SIAE: variants seen among roughly 807,000 people sequenced by gnomAD.
SIAE encodes sialate O-acetylesterase.
SIAE carries 39 observed loss-of-function variants against 52.6 expected under a neutral mutation model. That is an observed-to-expected ratio of 0.74 (90% CI 0.57 to 0.97). SIAE has a LOEUF of 0.97. SIAE is among the 50% of genes least tolerant of loss of function. SIAE has a pLI of 0.00. For synonymous variants in SIAE, 233 were observed against 241.4 expected, an observed-to-expected ratio of 0.97 and a Z score of 0.32; for missense variants, 592 against 662.1, an observed-to-expected ratio of 0.89 and a Z score of 1.16.
At chr11:124,637,274 C>T in intron 9 of SIAE, 72 bp from the exon 10 acceptor site, 1 of 1,598,070 alleles carries the variant, frequency 6.3e-7, no homozygotes, top group Non-Finnish European at 8.6e-7. Context: ...ACTGCTCTTT[C>T]AGACAGAATG....
chr11:124,641,977 A>AAAAAG (rs1565408706), intron 7 of SIAE, among the ~76,000 whole-genome samples: 1 of 151,386 alleles, frequency 6.6e-6, no homozygotes, highest in African/African-American at 2.4e-5. Flanking sequence ...AAAAAAAAAA[A>AAAAAG]AAAAGAAACC....
rs766178555 is a variant in SIAE at position 124,649,711 on chromosome 11, G to T, written c.630C>A (p.Pro210=). The T allele has an allele frequency of 1.9e-6, 3 of 1,614,178 alleles. No homozygotes were observed. The highest frequency in any genetic ancestry group is 2.5e-6 in the Non-Finnish European group (3 of 1,180,036). The change falls in exon 5 of 10, where the codon CCC becomes CCA. Residue 210 remains proline, a synonymous_variant. Coordinates refer to ENST00000263593, the MANE Select transcript of SIAE (RefSeq NM_170601.5). The stretch of plus-strand genomic sequence containing the variant: ...CCCAGCTGGAGGCGATCAGCCCGAT[G>T]GGATACTGCAGAGTGTCATAAAGGT... ...GRHLYDTLQY[P]IGLIASSWGG...
chr11:124,639,939 C>G (rs1942817836), intron 7 of SIAE, 72 bp from the exon 8 acceptor site: 1 of 1,526,390 alleles, frequency 6.6e-7, no homozygotes, highest in East Asian at 2.2e-5. Context: ...CTGGCAGACT[C>G]TGCTTCTGCT....
At chr11:124,663,552 C>T (rs368954542) in intron 2 of SIAE, among the ~76,000 whole-genome samples, 15 of 152,176 alleles carry the variant, frequency 9.9e-5, no homozygotes, top group Middle Eastern at 3.4e-3. Flanking sequence ...CCAGCCTGGG[C>T]GACAGAGCGA....
intron 5 of SIAE, among the ~76,000 whole-genome samples, chr11:124,648,930 C>T (rs977248230): frequency 5.9e-5 from 9 of 152,216 alleles, no homozygotes; most frequent in Non-Finnish European, 1.2e-4. Flanking sequence ...TCCCACAGGG[C>T]TTCCCAGCGT....
chr11:124,638,912 G>A (rs1942798414), intron 8 of SIAE, among the ~76,000 whole-genome samples, 175 bp from the exon 9 acceptor site: 1 of 152,150 alleles, frequency 6.6e-6, no homozygotes, highest in South Asian at 2.1e-4. Context: ...CCATAGATGG[G>A]GCTCTGGGCC....
intron 2 of SIAE, among the ~76,000 whole-genome samples, chr11:124,667,425 C>T (rs953502063): frequency 1.3e-5 from 2 of 152,154 alleles, no homozygotes; most frequent in Non-Finnish European, 2.9e-5. Context: ...ATTAGAAGCA[C>T]TTACCTTACA....
At position 124,638,716 on chromosome 11, in the gene SIAE, CTGTT is replaced by C. The variant is rs1412110952; in HGVS notation, c.1142_1145del (p.Lys381ArgfsTer21). ...CCAAATGCAGCCGATAAGCCACAGTCTGTTTATCTCGAGGGTGGATGCTACAGGA... is the reference window on the plus strand; with the variant it reads ...CCAAATGCAGCCGATAAGCCACAGTCTATCTCGAGGGTGGATGCTACAGGA... On this transcript the variant is annotated frameshift_variant, in exon 9 of 10. Coordinates refer to ENST00000263593, the MANE Select transcript of SIAE (RefSeq NM_170601.5). LOFTEE classifies it high-confidence loss of function. The C allele has an allele frequency of 9.9e-6, 16 of 1,613,968 alleles. No individual in the cohort carries two copies. Among genetic ancestry groups the C allele is most frequent in the Non-Finnish European group, 1.4e-5 (16 of 1,180,030 alleles).
Position 124,638,685 on chromosome 11 carries a change from G to A in SIAE, c.1177C>T (p.Arg393Cys), listed in dbSNP as rs144420048. The A allele has an allele frequency of 2.8e-5, 45 of 1,614,016 alleles. No individual in the cohort carries two copies. Among genetic ancestry groups the A allele is most frequent in the African/African-American group, 1.7e-4 (13 of 74,890 alleles). Residue 393 changes from arginine to cysteine, a missense_variant, in exon 9 of 10, where the codon CGT becomes TGT. Arg to Cys is a radical substitution (Grantham distance 180). Coordinates refer to ENST00000263593, the MANE Select transcript of SIAE (RefSeq NM_170601.5). ...TVAYRLHLGA[R>C]ALAYGEKNLT... ...TTCTTCTCACCATAAGCCAGAGCAC[G>A]GGCCCCCAAATGCAGCCGATAAGCC...
chr11:124,648,662 G>T (rs901217785), intron 5 of SIAE, among the ~76,000 whole-genome samples: 1 of 152,036 alleles, frequency 6.6e-6, no homozygotes, highest in African/African-American at 2.4e-5. Context: ...CTGTGTCAAA[G>T]GGCATCTTTT....
At chr11:124,648,282 A>C in intron 5 of SIAE, 107 bp from the exon 6 acceptor site, 1 of 785,908 alleles carries the variant, frequency 1.3e-6, no homozygotes, top group Middle Eastern at 2.3e-4. Flanking sequence ...CTTCTGATGA[A>C]AGCAACACAG....
At chr11:124,655,335 C>A (rs1943081412) in intron 3 of SIAE, among the ~76,000 whole-genome samples, 1 of 152,068 alleles carries the variant, frequency 6.6e-6, no homozygotes, top group African/African-American at 2.4e-5. Flanking sequence ...ACCACCATGC[C>A]CAGCTAATTT....
intron 1 of SIAE, 51 bp from the exon 2 acceptor site, chr11:124,669,572 C>T (rs762659665): frequency 3.3e-6 from 5 of 1,514,298 alleles, no homozygotes; most frequent in African/African-American, 1.4e-5. Context: ...AGATATAGCA[C>T]CAACTGGATC....
chr11:124,675,261 G>A (rs1175028695), upstream of SIAE: 8 of 1,611,048 alleles, frequency 5.0e-6, no homozygotes, highest in Non-Finnish European at 6.8e-6. Context: ...TTCTTACCAA[G>A]AAGATGTCGA....
chr11:124,672,788 C>T (rs911755755), intron 1 of SIAE, among the ~76,000 whole-genome samples: 1 of 152,078 alleles, frequency 6.6e-6, no homozygotes, highest in African/African-American at 2.4e-5. Flanking sequence ...GGTACTTTTC[C>T]GGCTCTCAGG....
At position 124,646,922 on chromosome 11, in the gene SIAE, T is replaced by C. The variant is rs79620755; in HGVS notation, c.966+443A>G. 5.7e-3 allele frequency among the ~76,000 whole-genome samples: 867 copies of C among 152,354 alleles called. 12 individuals carry two copies. The highest frequency in any genetic ancestry group is 0.02 in the African/African-American group (818 of 41,572). ...AAACTGCATTGAAGATTAATATTTA[T>C]TGACATGAAAAATCGTTTACTACTT... On this transcript the variant is annotated intron_variant, in intron 7 of 9. Coordinates refer to ENST00000263593, the MANE Select transcript of SIAE (RefSeq NM_170601.5).
Position 124,662,576 on chromosome 11 carries a change from G to T in SIAE, c.230-1773C>A, listed in dbSNP as rs147985828. ...GTGAAGAAAACTACCTTCACCAGAG[G>T]TTCTAAAACACTCTGCTACCCAGTA... On this transcript the variant is annotated intron_variant, in intron 2 of 9. Transcript: ENST00000263593. Among the ~76,000 whole-genome samples, 14 of 152,282 alleles carry T rather than the reference G, an allele frequency of 9.2e-5. No individual in the cohort carries two copies. The East Asian group carries it at 2.3e-3, about 25-fold the overall frequency.
At chr11:124,639,464 A>C (rs1467622011) in intron 8 of SIAE, among the ~76,000 whole-genome samples, 1 of 152,226 alleles carries the variant, frequency 6.6e-6, no homozygotes, top group Non-Finnish European at 1.5e-5. Flanking sequence ...TGGGTCTATG[A>C]ATGATTACAG....
In SIAE at chr11:124,644,577, C is replaced by T. The variant is rs1236314412; in HGVS notation, c.966+2788G>A. ...TTTCCTAATCTGAGATACAGTGGGG[C>T]GCTAATCCGTCTCCCACAGTGGCTG... is the stretch of plus-strand genomic sequence containing the variant. On this transcript the variant is annotated intron_variant, in intron 7 of 9. Coordinates refer to ENST00000263593, the MANE Select transcript of SIAE (RefSeq NM_170601.5). Among the ~76,000 whole-genome samples the T allele has an allele frequency of 4.6e-5, 7 of 152,168 alleles. No individual in the cohort carries two copies. The South Asian group carries it at 6.2e-4, about 13-fold the overall frequency.
Sources: allele counts gnomAD v4.1 joint callset (sites outside exome capture counted in the v4.1 genomes callset), GRCh38; gene constraint gnomAD v4.1.1; transcripts MANE v1.5; gene names NCBI Gene and HGNC (gene_info 2026-07-23, HGNC 2026-07-21).